The following LAMA2 variants were observed in gnomAD, a reference collection of about 807,000 sequenced individuals.
LAMA2 encodes the protein laminin subunit alpha 2.
LAMA2 carries 269 observed loss-of-function variants against 364.8 expected under a neutral mutation model. That is an observed-to-expected ratio of 0.74 (90% CI 0.67 to 0.82). The LOEUF (loss-of-function observed/expected upper bound fraction) is 0.82, where lower values mean the gene tolerates loss of function less well. LAMA2 is among the 40% of genes least tolerant of loss of function. The probability of loss-of-function intolerance (pLI) is 0.00; values close to 1 mark genes in which losing one functional copy is unlikely to be tolerated. For missense variants in LAMA2, 3,807 were observed against 3,873.2 expected (o/e 0.98, Z 0.45); for synonymous variants, 1,379 against 1,370.6 (o/e 1.01, Z -0.14).
chr6:129,061,852 A>G (rs781671930), intron 3 of LAMA2, among the ~76,000 whole-genome samples: 57 of 152,228 alleles, frequency 3.7e-4, no homozygotes, highest in Non-Finnish European at 7.9e-4. Context: ...ATTGTCCCAT[A>G]TTCCAGGATG....
chr6:129,125,851 T>C (rs538722973), intron 4 of LAMA2, among the ~76,000 whole-genome samples: 11 of 152,298 alleles, frequency 7.2e-5, no homozygotes, highest in Admixed American at 7.2e-4. Context: ...ACTAGCTTAA[T>C]TGAATTATTC....
chr6:129,252,051 A>T (rs374948797), intron 13 of LAMA2, 33 bp from the exon 14 acceptor site: 1 of 1,462,618 alleles, frequency 6.8e-7, no homozygotes, highest in Non-Finnish European at 9.6e-7. Flanking sequence ...TTTCAGTTTT[A>T]CTCTTTTTTA....
chr6:128,906,998 T>A (rs1359059193), intron 1 of LAMA2, among the ~76,000 whole-genome samples: 1 of 150,934 alleles, frequency 6.6e-6, no homozygotes, highest in Non-Finnish European at 1.5e-5. Flanking sequence ...GATCTATATC[T>A]CTGTTTTGGT....
intron 12 of LAMA2, among the ~76,000 whole-genome samples, chr6:129,197,116 A>G (rs921240029): frequency 4.6e-5 from 7 of 152,192 alleles, no homozygotes; most frequent in African/African-American, 1.7e-4. Flanking sequence ...GTATAGCATA[A>G]CATAACAGAT....
chr6:128,967,466 T>C (rs2114609464), intron 1 of LAMA2, among the ~76,000 whole-genome samples: 1 of 152,306 alleles, frequency 6.6e-6, no homozygotes, highest in South Asian at 2.1e-4. Flanking sequence ...ACCCACTTGC[T>C]ATACATCAGG....
intron 29 of LAMA2, among the ~76,000 whole-genome samples, chr6:129,328,914 T>A (rs1246110974): frequency 2.0e-5 from 3 of 152,240 alleles, no homozygotes; most frequent in African/African-American, 7.2e-5. Flanking sequence ...TATTATGTTG[T>A]TAGATATTAT....
chr6:129,099,896 C>G (rs554752201), intron 4 of LAMA2, among the ~76,000 whole-genome samples: 2 of 152,286 alleles, frequency 1.3e-5, no homozygotes, highest in African/African-American at 4.8e-5. Context: ...TGCTTTGTGC[C>G]TAGAGGCATC....
intron 1 of LAMA2, among the ~76,000 whole-genome samples, chr6:128,960,547 A>G (rs966788014): frequency 6.7e-6 from 1 of 150,354 alleles, no homozygotes; most frequent in African/African-American, 2.5e-5. Context: ...TTTAGTAGAG[A>G]TGGGGTTTCA....
chr6:129,078,485 T>C (rs1041591529), intron 3 of LAMA2, among the ~76,000 whole-genome samples: 1 of 151,962 alleles, frequency 6.6e-6, no homozygotes, highest in African/African-American at 2.4e-5. Flanking sequence ...AAATTCTCCC[T>C]AAAAAATAAA....
intron 1 of LAMA2, among the ~76,000 whole-genome samples, chr6:129,020,207 T>C (rs1236115150): frequency 6.6e-6 from 1 of 152,134 alleles, no homozygotes; most frequent in African/African-American, 2.4e-5. Context: ...AATGTGCAGA[T>C]TTTTTCCTCT....
At chr6:129,231,529 T>C (rs1784668526) in intron 12 of LAMA2, among the ~76,000 whole-genome samples, 1 of 152,124 alleles carries the variant, frequency 6.6e-6, no homozygotes, top group Non-Finnish European at 1.5e-5. Context: ...ACTTGGAGAA[T>C]GGAAAAATGT....
intron 1 of LAMA2, 82 bp downstream of exon 1, chr6:128,883,439 G>GTCCACAGACAGCAAC: frequency 6.5e-7 from 1 of 1,540,000 alleles, no homozygotes; most frequent in African/African-American, 1.4e-5. Context: ...GAGAGTTGCT[G>GTCCACAGACAGCAAC]TCTGTGGACT....
intron 32 of LAMA2, among the ~76,000 whole-genome samples, chr6:129,361,229 T>G (rs1350003854): frequency 6.6e-6 from 1 of 152,278 alleles, no homozygotes. Flanking sequence ...TTTAAAACAA[T>G]GATGAACTTG....
intron 12 of LAMA2, among the ~76,000 whole-genome samples, chr6:129,229,698 T>C (rs978671880): frequency 3.3e-5 from 5 of 152,140 alleles, no homozygotes; most frequent in Admixed American, 6.5e-5. Context: ...TCAAGTGTGG[T>C]TTGATTCCAG....
chr6:128,979,556 T>C lies in LAMA2; in HGVS notation c.113-70362T>C, dbSNP rs74673331. The stretch of plus-strand genomic sequence containing the variant: ...AGAGGAAAGGAGTGCTAAGAAAATG[T>C]TCAAAAGGGATCTTGAAAAGCAAAG... On this transcript the variant is annotated intron_variant, in intron 1 of 64. Transcript: ENST00000421865. Among the ~76,000 whole-genome samples, 557 of 152,276 alleles carry C rather than the reference T, an allele frequency of 3.7e-3. 2 individuals carry two copies. The highest frequency in any genetic ancestry group is 0.012 in the African/African-American group (481 of 41,548).
intron 39 of LAMA2, among the ~76,000 whole-genome samples, chr6:129,403,366 G>A (rs1388600408): frequency 6.6e-6 from 1 of 152,176 alleles, no homozygotes; most frequent in Non-Finnish European, 1.5e-5. Context: ...CTTACTTGGG[G>A]ACATATTGGT....
At chr6:129,490,026 A>C (rs1217356906) in intron 56 of LAMA2, among the ~76,000 whole-genome samples, 1 of 152,224 alleles carries the variant, frequency 6.6e-6, no homozygotes, top group African/African-American at 2.4e-5. Flanking sequence ...AAAGCTGTTA[A>C]ATAAATACTT....
intron 1 of LAMA2, among the ~76,000 whole-genome samples, chr6:129,044,209 C>T (rs1420320173): frequency 6.6e-6 from 1 of 151,930 alleles, no homozygotes; most frequent in Non-Finnish European, 1.5e-5. Context: ...TATACATACA[C>T]ACACCAAATA....
chr6:129,197,109 T>C (rs1781896119), intron 12 of LAMA2, among the ~76,000 whole-genome samples: 1 of 152,194 alleles, frequency 6.6e-6, no homozygotes, highest in East Asian at 1.9e-4. Flanking sequence ...CACTCTGGTA[T>C]AGCATAACAT....
Sources: allele counts gnomAD v4.1 joint callset (sites outside exome capture counted in the v4.1 genomes callset), GRCh38; gene constraint gnomAD v4.1.1; transcripts MANE v1.5; gene names NCBI Gene and HGNC (gene_info 2026-07-23, HGNC 2026-07-21).